Variants in PLEKHA8 observed in about 807,000 individuals in gnomAD.
The protein encoded by PLEKHA8 is pleckstrin homology domain containing A8.
PLEKHA8 carries 36 observed loss-of-function variants against 68.2 expected under a neutral mutation model. That is an observed-to-expected ratio of 0.53 (90% CI 0.40 to 0.70). The LOEUF (loss-of-function observed/expected upper bound fraction) is 0.70, where lower values mean the gene tolerates loss of function less well. Among genes scored for constraint, PLEKHA8 ranks in the 30% least tolerant of loss-of-function variants. PLEKHA8 has a pLI of 0.00. For synonymous variants in PLEKHA8, 211 were observed against 216.1 expected, an observed-to-expected ratio of 0.98 and a Z score of 0.20; for missense variants, 505 against 615.4, an observed-to-expected ratio of 0.82 and a Z score of 1.90.
At chr7:30,033,149 T>G (rs1300536753) in intron 1 of PLEKHA8, among the ~76,000 whole-genome samples, 2 of 152,270 alleles carry the variant, frequency 1.3e-5, no homozygotes, top group Non-Finnish European at 1.5e-5. Context: ...AACATCTTTA[T>G]GGAGATAATT....
intron 1 of PLEKHA8, among the ~76,000 whole-genome samples, chr7:30,035,967 C>T (rs942432248): frequency 6.6e-6 from 1 of 151,568 alleles, no homozygotes; most frequent in African/African-American, 2.4e-5. Context: ...ATTAAAATTC[C>T]ATTGTAGACC....
downstream of PLEKHA8, among the ~76,000 whole-genome samples, chr7:30,092,767 A>C (rs1222750219): frequency 6.6e-6 from 1 of 152,248 alleles, no homozygotes; most frequent in African/African-American, 2.4e-5. Context: ...GAATAGGCCC[A>C]TCATGGGACT....
At chr7:30,055,765 A>G (rs555893847) in intron 9 of PLEKHA8, among the ~76,000 whole-genome samples, 7 of 151,944 alleles carry the variant, frequency 4.6e-5, no homozygotes, top group Non-Finnish European at 1.0e-4. Context: ...TCCCAGGCTC[A>G]AGCAATCCTT....
At chr7:30,044,178 T>G (rs1035562624) in intron 1 of PLEKHA8, among the ~76,000 whole-genome samples, 1 of 152,072 alleles carries the variant, frequency 6.6e-6, no homozygotes, top group Non-Finnish European at 1.5e-5. Flanking sequence ...AGCTAATTTT[T>G]GTATTTTTAG....
At chr7:30,075,074 G>A (rs1272229827) in intron 13 of PLEKHA8, 2 of 152,150 alleles carry the variant, frequency 1.3e-5, no homozygotes, top group Non-Finnish European at 2.9e-5. Flanking sequence ...TTGGAAGGTT[G>A]GGGAATAAAG....
chr7:30,040,584 C>T (rs1034860054), intron 1 of PLEKHA8, among the ~76,000 whole-genome samples: 1 of 152,180 alleles, frequency 6.6e-6, no homozygotes, highest in East Asian at 1.9e-4. Context: ...GAGCTGGTCA[C>T]CCCCACCCAA....
At chr7:30,127,920 T>A (rs941319082) in intron 13 of PLEKHA8, among the ~76,000 whole-genome samples, 12 of 152,350 alleles carry the variant, frequency 7.9e-5, no homozygotes, top group African/African-American at 2.9e-4. Context: ...AGAAGTTAAA[T>A]AAAATCTTTG....
rs535587154 is a variant in PLEKHA8 at position 30,116,295 on chromosome 7, C to CAT, written c.1363-12969_1363-12968dup. ...GTATGTATGTATACATGTATGTATT[C>CAT]ATACATGTATACATATATACATACA... On this transcript the variant is annotated intron_variant, in intron 13 of 13. Coordinates refer to the PLEKHA8 transcript ENST00000396257. Among the ~76,000 whole-genome samples the CAT allele has an allele frequency of 1.2e-3, 174 of 151,074 alleles. 1 individual carries two copies. The highest frequency in any genetic ancestry group is 4.1e-3 in the African/African-American group (167 of 41,080).
intron 1 of PLEKHA8, among the ~76,000 whole-genome samples, chr7:30,033,435 G>GTT (rs201577323): frequency 6.6e-6 from 1 of 151,812 alleles, no homozygotes; most frequent in African/African-American, 2.4e-5. Context: ...GTAGCATAAT[G>GTT]TTTTTTTTGG....
At chr7:30,044,285 G>C (rs765583447) in intron 1 of PLEKHA8, among the ~76,000 whole-genome samples, 5 of 152,046 alleles carry the variant, frequency 3.3e-5, no homozygotes, top group Non-Finnish European at 7.4e-5. Context: ...GATTACAGGC[G>C]TGAGCCACCA....
intron 1 of PLEKHA8, among the ~76,000 whole-genome samples, chr7:30,034,259 T>G (rs565234792): frequency 3.3e-5 from 5 of 152,094 alleles, no homozygotes; most frequent in Admixed American, 6.5e-5. Flanking sequence ...TCCGCCTGCC[T>G]CGGCCTCCCA....
Position 30,079,030 on chromosome 7 carries a change from A to T in PLEKHA8, c.*243A>T. On this transcript the variant is annotated 3_prime_UTR_variant, in exon 14 of 14. Coordinates refer to ENST00000449726, the MANE Select transcript of PLEKHA8 (RefSeq NM_001197026.2). ...GAAACCAAATGATAAGCTGCTGTAG[A>T]CTTGAACAGCAAGTTATAAGAGCAG... The T allele has an allele frequency of 2.4e-6, 3 of 1,271,432 alleles. No individual in the cohort carries two copies. The highest frequency in any genetic ancestry group is 3.0e-6 in the Non-Finnish European group (3 of 1,008,326). 78.8% of individuals were successfully genotyped at this position (1,271,432 alleles called of 1,614,324 possible).
chr7:30,102,924 G>C (rs907175680), intron 13 of PLEKHA8, among the ~76,000 whole-genome samples: 1 of 152,244 alleles, frequency 6.6e-6, no homozygotes, highest in African/African-American at 2.4e-5. Context: ...TTTTAAGTTA[G>C]CTGGATGTGG....
chr7:30,028,428 G>C lies in PLEKHA8; in HGVS notation c.-335G>C. 1 of 257,552 alleles carries C rather than the reference G, an allele frequency of 3.9e-6. No homozygotes were observed. The highest frequency in any genetic ancestry group is 1.7e-4 in the South Asian group (1 of 5,836). The allele number at this position is 257,552 out of a possible 1,614,324, so 16.0% of individuals were successfully genotyped here. On this transcript the variant is annotated 5_prime_UTR_variant, in exon 1 of 14. Coordinates refer to ENST00000449726, the MANE Select transcript of PLEKHA8 (RefSeq NM_001197026.2). ...GGTTCAGGTGGTGCGCCGTGGCGCC[G>C]CCTGCGACCGGCAGCTCGTTCGCCG...
At position 30,082,289 on chromosome 7, in the gene PLEKHA8, T is replaced by C; in HGVS notation, c.*3502T>C. 9.1e-6 allele frequency: 9 copies of C among 985,534 alleles called. No individual in the cohort carries two copies. The highest frequency in any genetic ancestry group is 1.1e-5 in the Non-Finnish European group (9 of 830,018). 61.0% of individuals were successfully genotyped at this position (985,534 alleles called of 1,614,324 possible). ...TTCTCTCTTCTTTGCTACTGAAAAT[T>C]GCCAGCAGTACCGCCATCAGCACAC... On this transcript the variant is annotated 3_prime_UTR_variant, in exon 14 of 14. Coordinates refer to ENST00000449726, the MANE Select transcript of PLEKHA8 (RefSeq NM_001197026.2).
intron 2 of PLEKHA8, 81 bp from the exon 3 acceptor site, chr7:30,046,129 A>G (rs910379623): frequency 1.5e-6 from 2 of 1,328,308 alleles, no homozygotes; most frequent in African/African-American, 3.0e-5. Flanking sequence ...GCCATCAATT[A>G]AGCTCAAGAA....
At chr7:30,097,003 C>T (rs575821658) in intron 13 of PLEKHA8, among the ~76,000 whole-genome samples, 19 of 152,220 alleles carry the variant, frequency 1.2e-4, no homozygotes, top group African/African-American at 4.3e-4. Flanking sequence ...CCTTCAGGAG[C>T]TCTTTTAGGG....
chr7:30,102,984 G>T (rs1017539230), intron 13 of PLEKHA8, among the ~76,000 whole-genome samples: 3 of 152,220 alleles, frequency 2.0e-5, no homozygotes, highest in African/African-American at 4.8e-5. Context: ...GCAGAGGATT[G>T]CCTGAGCCCA....
chr7:30,051,453 A>G (rs1308304175), intron 6 of PLEKHA8, among the ~76,000 whole-genome samples: 1 of 151,032 alleles, frequency 6.6e-6, no homozygotes, highest in Non-Finnish European at 1.5e-5. Flanking sequence ...TGTAGCTTGG[A>G]CCCTTCCTTC....
Sources: allele counts gnomAD v4.1 joint callset (sites outside exome capture counted in the v4.1 genomes callset), GRCh38; gene constraint gnomAD v4.1.1; transcripts MANE v1.5; gene names NCBI Gene and HGNC (gene_info 2026-07-23, HGNC 2026-07-21).